Variants in NDUFAF5 observed in about 807,000 individuals in gnomAD.
The protein encoded by NDUFAF5 is arginine-hydroxylase NDUFAF5, mitochondrial.
NDUFAF5 carries 34 observed loss-of-function variants against 48.9 expected under a neutral mutation model. The ratio of observed to expected loss-of-function variants is 0.70; its 90% CI spans 0.53 to 0.93. The LOEUF is 0.93. Ranked by LOEUF, NDUFAF5 falls within the 40% of genes least tolerant of loss-of-function variation. The probability of loss-of-function intolerance (pLI) is 0.00; values close to 1 mark genes in which losing one functional copy is unlikely to be tolerated. For missense variants in NDUFAF5, 428 were observed against 427.5 expected (o/e 1.00, Z -0.01); for synonymous variants, 153 against 150.6 (o/e 1.02, Z -0.12).
rs1986526811 is a variant in NDUFAF5 at position 13,816,887 on chromosome 20, A to G, written c.875A>G (p.Asn292Ser). 1 of 1,606,876 alleles carries G rather than the reference A, an allele frequency of 6.2e-7. No homozygotes were observed. Among genetic ancestry groups the G allele is most frequent in the African/African-American group, 1.3e-5 (1 of 74,904 alleles). Residue 292 changes from asparagine (N) to serine (S), a missense_variant, in exon 10 of 11, where the codon AAT becomes AGT. Asn to Ser is a conservative substitution (Grantham distance 46). Transcript: ENST00000378106. ...ATTGTCTTTTTAGAAATGTACAGAA[A>G]TGAAGATGGTTCAGTACCTGCTACA... ...AAAVYREMYRNEDGSVPATYQ... is the reference protein window; with the variant it reads ...AAAVYREMYRSEDGSVPATYQ...
In NDUFAF5 at chr20:13,798,492, C is replaced by G; in HGVS notation, c.511C>G (p.Leu171Val). ...LHWVNDLPRA[L>V]EQIHYILKPD... ...TTGGGTGAATGACCTTCCTAGAGCA[C>G]TTGAGCAGGTAAGAAAACTTATGTT... The change falls in exon 6 of 11, where the codon CTT (leucine) becomes GTT (valine). Residue 171 changes from leucine to valine, a missense_variant. Transcript: ENST00000378106. 1 of 1,609,890 alleles carries G rather than the reference C, an allele frequency of 6.2e-7. No individual in the cohort carries two copies. The highest frequency in any genetic ancestry group is 8.5e-7 in the Non-Finnish European group (1 of 1,176,354).
intron 3 of NDUFAF5, among the ~76,000 whole-genome samples, chr20:13,792,035 A>G (rs1233837697): frequency 6.6e-6 from 1 of 152,224 alleles, no homozygotes; most frequent in Non-Finnish European, 1.5e-5. Context: ...GTCCCCAACC[A>G]AGAGCCAGCA....
chr20:13,818,282 T>G lies in NDUFAF5; in HGVS notation c.*1072T>G, dbSNP rs1207604071. 1 of 449,470 alleles carries G rather than the reference T, an allele frequency of 2.2e-6. No homozygotes were observed. Among genetic ancestry groups the G allele is most frequent in the African/African-American group, 2.0e-5 (1 of 49,948 alleles). 27.8% of individuals were successfully genotyped at this position (449,470 alleles called of 1,614,324 possible). A position where few individuals can be genotyped will look rare whatever the true frequency, so the allele number is the denominator to read the frequency against. On this transcript the variant is annotated 3_prime_UTR_variant, in exon 11 of 11. Coordinates refer to ENST00000378106, the MANE Select transcript of NDUFAF5 (RefSeq NM_024120.5). ...ATAACAAACTTGCCCTTTGAAAGAC[T>G]AAGTTATAGTTAAAAACCAAGATTT... is the stretch of plus-strand genomic sequence containing the variant.
intron 5 of NDUFAF5, among the ~76,000 whole-genome samples, chr20:13,795,426 T>C (rs1167995826): frequency 1.3e-5 from 2 of 151,146 alleles, no homozygotes; most frequent in Non-Finnish European, 2.9e-5. Flanking sequence ...ATATATTCTT[T>C]CAAACTCCTG....
chr20:13,788,122 T>C (rs1981523552), intron 2 of NDUFAF5, among the ~76,000 whole-genome samples: 1 of 152,212 alleles, frequency 6.6e-6, no homozygotes, highest in Non-Finnish European at 1.5e-5. Flanking sequence ...CAGTAAAAGT[T>C]TAACTGTTAC....
At chr20:13,795,687 C>T (rs1243445382) in intron 5 of NDUFAF5, among the ~76,000 whole-genome samples, 3 of 152,092 alleles carry the variant, frequency 2.0e-5, no homozygotes, top group African/African-American at 7.2e-5. Context: ...GGCAAGGTGG[C>T]GCATGCCTGT....
At chr20:13,796,492 T>G (rs1184619451) in intron 5 of NDUFAF5, among the ~76,000 whole-genome samples, 8 of 152,206 alleles carry the variant, frequency 5.3e-5, no homozygotes, top group African/African-American at 1.9e-4. Flanking sequence ...TATCTAATAC[T>G]TGTCGAAAAG....
At chr20:13,810,995 C>T (rs1985785514) in intron 8 of NDUFAF5, among the ~76,000 whole-genome samples, 1 of 152,056 alleles carries the variant, frequency 6.6e-6, no homozygotes. Flanking sequence ...GTGAACTGAC[C>T]ATCAACAGGA....
At chr20:13,797,189 C>T (rs564712247) in intron 5 of NDUFAF5, among the ~76,000 whole-genome samples, 2 of 152,162 alleles carry the variant, frequency 1.3e-5, no homozygotes, top group African/African-American at 4.8e-5. Context: ...TTGGTTGTTT[C>T]CTACAAAACT....
At chr20:13,816,241 T>C in intron 8 of NDUFAF5, 1 of 588,016 alleles carries the variant, frequency 1.7e-6, no homozygotes, top group Non-Finnish European at 3.1e-6. Context: ...CCTCCTGAAA[T>C]TTCACTTGCC....
At position 13,816,177 on chromosome 20, in the gene NDUFAF5, T is replaced by A. The variant is rs1986431725; in HGVS notation, c.779-286T>A. The stretch of plus-strand genomic sequence containing the variant: ...CCTGGGGTGGCAGTCACCTGGCTTT[T>A]GCCCAGCGGGCTTACTTTAGACCAT... On this transcript the variant is annotated intron_variant, in intron 8 of 10. Transcript: ENST00000378106. 8.8e-6 allele frequency: 4 copies of A among 454,374 alleles called. No individual in the cohort carries two copies. In the Admixed American group the frequency reaches 1.4e-4, roughly 15 times the overall value. 28.1% of individuals were successfully genotyped at this position (454,374 alleles called of 1,614,324 possible). A position where few individuals can be genotyped will look rare whatever the true frequency, so the allele number is the denominator to read the frequency against.
rs370834801 is a variant in NDUFAF5, at chr20:13,789,173, T to C, written c.327+521T>C. ...ACACAAAGATGAAAGTGGAATTTCT[T>C]TTTTTTTCTGAGATGGAGTCTCACT... is the stretch of plus-strand genomic sequence containing the variant. On this transcript the variant is annotated intron_variant, in intron 3 of 10. Transcript: ENST00000378106. 6.4e-4 allele frequency among the ~76,000 whole-genome samples: 97 copies of C among 152,304 alleles called. 1 individual carries two copies. The highest frequency in any genetic ancestry group is 2.2e-3 in the African/African-American group (92 of 41,572).
intron 4 of NDUFAF5, among the ~76,000 whole-genome samples, chr20:13,793,685 A>C (rs1289573936): frequency 6.6e-6 from 1 of 152,250 alleles, no homozygotes; most frequent in Non-Finnish European, 1.5e-5. Context: ...CCAACACTGC[A>C]GTGAAAATCC....
In NDUFAF5 at chr20:13,819,936, GAGAA is replaced by G. The variant is rs1325790738; in HGVS notation, c.*2730_*2733del. Reference sequence around the variant, plus strand: ...GTAGGAAAGAGGAACTAGGTTCTGGGAGAAAGACTCCTTTGGAATAAAATTCATG... The same window carrying G: ...GTAGGAAAGAGGAACTAGGTTCTGGGAGACTCCTTTGGAATAAAATTCATG... On this transcript the variant is annotated 3_prime_UTR_variant, in exon 11 of 11. Transcript: ENST00000378106. 4 of 152,186 alleles carry G rather than the reference GAGAA, an allele frequency of 2.6e-5. No homozygotes were observed. Among genetic ancestry groups the G allele is most frequent in the African/African-American group, 9.7e-5 (4 of 41,448 alleles). The allele number at this position is 152,186 out of a possible 1,614,324, so 9.4% of individuals were successfully genotyped here.
intron 4 of NDUFAF5, among the ~76,000 whole-genome samples, chr20:13,793,984 C>G (rs1056263254): frequency 2.0e-5 from 3 of 152,080 alleles, no homozygotes; most frequent in Non-Finnish European, 2.9e-5. Context: ...TGCACCTTGT[C>G]CTCTTTAGCT....
chr20:13,815,599 T>A (rs531984671), intron 8 of NDUFAF5, among the ~76,000 whole-genome samples: 1 of 152,350 alleles, frequency 6.6e-6, no homozygotes, highest in East Asian at 1.9e-4. Context: ...TTTTAAACTG[T>A]GAAAGAATAC....
chr20:13,801,857 A>G (rs1454408535), intron 7 of NDUFAF5, 174 bp downstream of exon 7: 1 of 593,794 alleles, frequency 1.7e-6, no homozygotes, highest in East Asian at 2.9e-5. Flanking sequence ...TGTATAACAC[A>G]TCTTAATTGA....
In NDUFAF5 at chr20:13,818,665, G is replaced by C. The variant is rs1433048794; in HGVS notation, c.*1455G>C. 2 of 173,210 alleles carry C rather than the reference G, an allele frequency of 1.2e-5. No individual in the cohort carries two copies. Among genetic ancestry groups the C allele is most frequent in the African/African-American group, 4.8e-5 (2 of 41,542 alleles). 10.7% of individuals were successfully genotyped at this position (173,210 alleles called of 1,614,324 possible). A position where few individuals can be genotyped will look rare whatever the true frequency, so the allele number is the denominator to read the frequency against. On this transcript the variant is annotated 3_prime_UTR_variant, in exon 11 of 11. Coordinates refer to ENST00000378106, the MANE Select transcript of NDUFAF5 (RefSeq NM_024120.5). The stretch of plus-strand genomic sequence containing the variant: ...TAAAGAAAAATCCACCAAAAACCCT[G>C]TGTTTTAAAGTGCAAACTGATGATG...
In NDUFAF5 at chr20:13,785,197, C is replaced by T. The variant is rs1289429063; in HGVS notation, c.129C>T (p.Thr43=). ...CCCGCGGTAGCACCTCGCCCAGAAC[C>T]CTGAATATTTTCGACCGGGATTTGA... is the stretch of plus-strand genomic sequence containing the variant. ...VSPRGSTSPR[T]LNIFDRDLKR... is the part of the protein sequence containing the mutation. Residue 43 remains threonine (T), a synonymous_variant, in exon 1 of 11, where the codon ACC becomes ACT. Transcript: ENST00000378106. 1.9e-6 allele frequency: 3 copies of T among 1,613,858 alleles called. No homozygotes were observed. The highest frequency in any genetic ancestry group is 3.3e-5 in the Admixed American group (2 of 60,012).
Sources: gnomAD v4.1 joint callset for allele counts (sites outside exome capture counted in the v4.1 genomes callset) on GRCh38, gnomAD v4.1.1 for gene constraint, MANE v1.5 for transcripts, NCBI Gene and HGNC (gene_info 2026-07-23, HGNC 2026-07-21) for gene names.